EPB41L5: variants seen among roughly 807,000 people sequenced by gnomAD.
EPB41L5 encodes the protein erythrocyte membrane protein band 4.1 like 5.
Under a neutral mutation model 106.6 loss-of-function variants are expected in EPB41L5, and 55 were observed. The ratio of observed to expected loss-of-function variants is 0.52; its 90% CI spans 0.42 to 0.65. EPB41L5 has a LOEUF of 0.65. Among genes scored for constraint, EPB41L5 ranks in the 30% least tolerant of loss-of-function variants. The probability of loss-of-function intolerance (pLI) is 0.00; values close to 1 mark genes in which losing one functional copy is unlikely to be tolerated. For synonymous variants in EPB41L5, 297 were observed against 306.7 expected, an observed-to-expected ratio of 0.97 and a Z score of 0.33; for missense variants, 871 against 882.1, an observed-to-expected ratio of 0.99 and a Z score of 0.16.
rs894622651 is a variant in EPB41L5, at chr2:120,100,807, A to G, written c.1330A>G (p.Arg444Gly). The G allele has an allele frequency of 1.3e-6, 2 of 1,593,636 alleles. No individual in the cohort carries two copies. Among genetic ancestry groups the G allele is most frequent in the Admixed American group, 1.7e-5 (1 of 58,136 alleles). ...PQSPGTDQHD[R>G]KCIPLNIDLL... ...GAGTCCTGGAACAGACCAGCATGAC[A>G]GGAAATGGTTTGTTAATTCCTTAAA... The change falls in exon 16 of 25, where the codon AGG becomes GGG. Residue 444 changes from arginine to glycine, a missense_variant. Arg to Gly is a moderately radical substitution (Grantham distance 125, BLOSUM62 -2). Transcript: ENST00000263713.
intron 2 of EPB41L5, among the ~76,000 whole-genome samples, chr2:120,032,434 T>G (rs1678776404): frequency 6.6e-6 from 1 of 152,166 alleles, no homozygotes; most frequent in African/African-American, 2.4e-5. Flanking sequence ...TATGTAATAA[T>G]AAGCAAGGAA....
At chr2:120,028,787 A>G (rs907755427) in intron 2 of EPB41L5, among the ~76,000 whole-genome samples, 2 of 152,126 alleles carry the variant, frequency 1.3e-5, no homozygotes, top group African/African-American at 4.8e-5. Flanking sequence ...ATACAGTTCT[A>G]ACTCTGATGG....
chr2:120,092,954 G>A (rs1307915853), intron 13 of EPB41L5, among the ~76,000 whole-genome samples: 1 of 152,186 alleles, frequency 6.6e-6, no homozygotes, highest in Non-Finnish European at 1.5e-5. Flanking sequence ...TAGATTTATG[G>A]TTGGGGCCAA....
At chr2:120,101,945 G>C (rs986480955) in intron 16 of EPB41L5, among the ~76,000 whole-genome samples, 6 of 152,286 alleles carry the variant, frequency 3.9e-5, no homozygotes, top group African/African-American at 1.2e-4. Context: ...ACTTAAAAGT[G>C]TAAAGAGTGA....
intron 2 of EPB41L5, among the ~76,000 whole-genome samples, chr2:120,031,223 A>G (rs1239102689): frequency 6.6e-6 from 1 of 152,206 alleles, no homozygotes; most frequent in Admixed American, 6.5e-5. Context: ...GGCTGATTTG[A>G]GTAATAATAA....
chr2:120,108,495 A>G, intron 16 of EPB41L5: 1 of 152,294 alleles, frequency 6.6e-6, no homozygotes, highest in South Asian at 2.1e-4. Context: ...ATCATTGATA[A>G]TAATAAATGC....
chr2:120,104,120 G>T (rs1684308841), intron 16 of EPB41L5: 2 of 1,535,802 alleles, frequency 1.3e-6, no homozygotes, highest in African/African-American at 2.7e-5. Flanking sequence ...CAAGGGCCTT[G>T]CCCCCACCCC....
At position 120,124,539 on chromosome 2, in the gene EPB41L5, C is replaced by T. The variant is rs1024253415; in HGVS notation, c.1338-3149C>T. ...TCCCAATGCAGACATGACGTTACTT[C>T]ATTCCTATGTACTTTTGCATGAATC... On this transcript the variant is annotated intron_variant, in intron 16 of 24. Coordinates refer to ENST00000263713, the MANE Select transcript of EPB41L5 (RefSeq NM_020909.4). Among the ~76,000 whole-genome samples the T allele has an allele frequency of 5.9e-5, 9 of 152,172 alleles. No homozygotes were observed. The South Asian group carries it at 1.9e-3, about 32-fold the overall frequency.
chr2:120,077,870 T>C (rs1682358056), intron 9 of EPB41L5, among the ~76,000 whole-genome samples: 2 of 152,202 alleles, frequency 1.3e-5, no homozygotes, highest in African/African-American at 4.8e-5. Context: ...TTGCAGGCTG[T>C]ACAGGCTTCT....
chr2:120,134,230 A>G (rs1685825106), intron 18 of EPB41L5, among the ~76,000 whole-genome samples: 1 of 152,024 alleles, frequency 6.6e-6, no homozygotes, highest in Non-Finnish European at 1.5e-5. Context: ...AAGAATAAAA[A>G]GAACTTTGTC....
At position 120,077,195 on chromosome 2, in the gene EPB41L5, T is replaced by G. The variant is rs368454571; in HGVS notation, c.627-34T>G. 1.5e-5 allele frequency: 23 copies of G among 1,585,296 alleles called. No individual in the cohort carries two copies. The African/African-American group carries it at 2.8e-4, about 20-fold the overall frequency. ...TGGTATAGAATTTATTTTATATTTA[T>G]TGTTACTTTAAAAATCATTGTTTTA... On this transcript the variant is annotated intron_variant, in intron 8 of 24. Coordinates refer to ENST00000263713, the MANE Select transcript of EPB41L5 (RefSeq NM_020909.4).
At chr2:120,059,061 A>G (rs1004039613) in intron 3 of EPB41L5, among the ~76,000 whole-genome samples, 16 of 152,244 alleles carry the variant, frequency 1.1e-4, no homozygotes, top group Admixed American at 2.0e-4. Context: ...AAGACTTACT[A>G]TATAGCTTTC....
At chr2:120,045,467 A>C (rs1291587820) in intron 3 of EPB41L5, among the ~76,000 whole-genome samples, 1 of 152,036 alleles carries the variant, frequency 6.6e-6, no homozygotes, top group African/African-American at 2.4e-5. Flanking sequence ...GTCCCATCAC[A>C]CCTGAATTCT....
chr2:120,110,811 T>G lies in EPB41L5; in HGVS notation c.1337+9997T>G, dbSNP rs149111428. ...CACCATGCCCAGCTAATTTTTGTAT[T>G]TTTTAGTAGAAACGGGGCTTCACCA... On this transcript the variant is annotated intron_variant, in intron 16 of 24. Coordinates refer to ENST00000263713, the MANE Select transcript of EPB41L5 (RefSeq NM_020909.4). 2.0e-4 allele frequency among the ~76,000 whole-genome samples: 30 copies of G among 152,020 alleles called. No individual in the cohort carries two copies. The East Asian group carries it at 5.6e-3, about 28-fold the overall frequency.
Position 120,091,664 on chromosome 2 carries a change from G to A in EPB41L5, c.1150+3G>A. 9 of 1,599,668 alleles carry A rather than the reference G, an allele frequency of 5.6e-6. No homozygotes were observed. Among genetic ancestry groups the A allele is most frequent in the Non-Finnish European group, 7.7e-6 (9 of 1,167,356 alleles). On this transcript the variant is annotated splice_donor_region_variant and intron_variant, in intron 13 of 24. Transcript: ENST00000263713. ...TAGACGAACTCTACAAATGAAAGGT[G>A]AAGTGCAACCCTCTTTCAAAGGATT...
chr2:120,041,938 C>T (rs1418029984), intron 2 of EPB41L5, 68 bp from the exon 3 acceptor site: 1 of 1,201,818 alleles, frequency 8.3e-7, no homozygotes, highest in African/African-American at 1.5e-5. Context: ...TAACTAAAAC[C>T]TTCTTTTGTT....
At chr2:120,154,004 A>G (rs1182348056) in intron 20 of EPB41L5, among the ~76,000 whole-genome samples, 1 of 152,188 alleles carries the variant, frequency 6.6e-6, no homozygotes, top group Admixed American at 6.5e-5. Flanking sequence ...GATTACTGAT[A>G]AAGGACTTCT....
At chr2:120,039,478 A>G (rs189617912) in intron 2 of EPB41L5, among the ~76,000 whole-genome samples, 11 of 152,272 alleles carry the variant, frequency 7.2e-5, no homozygotes, top group African/African-American at 2.6e-4. Flanking sequence ...ATGTCTGTGA[A>G]GTTGGGTCAG....
intron 3 of EPB41L5, among the ~76,000 whole-genome samples, chr2:120,049,312 T>A (rs1343289985): frequency 6.6e-6 from 1 of 152,198 alleles, no homozygotes; most frequent in Non-Finnish European, 1.5e-5. Context: ...TCTTTGTAGG[T>A]CTCTAAGGAC....
Sources: gnomAD v4.1 joint callset for allele counts (sites outside exome capture counted in the v4.1 genomes callset) on GRCh38, gnomAD v4.1.1 for gene constraint, MANE v1.5 for transcripts, NCBI Gene and HGNC (gene_info 2026-07-23, HGNC 2026-07-21) for gene names.